TMEM272: variants seen among roughly 807,000 people sequenced by gnomAD.
The protein encoded by TMEM272 is transmembrane protein 272.
In TMEM272, 8 loss-of-function variants were observed where a neutral mutation model predicts 3.7. The observed-to-expected ratio is 2.17, with a 90% CI of 1.27 to 3.91. TMEM272 has a LOEUF of 3.91. TMEM272 is among the 30% of genes most tolerant of loss of function. The pLI is 0.00. For missense variants in TMEM272, 166 were observed against 91.5 expected (o/e 1.81, Z -3.32); for synonymous variants, 63 against 39.8 (o/e 1.58, Z -2.20).
At chr13:51,847,088 A>G (rs964462403), upstream of TMEM272, among the ~76,000 whole-genome samples, 1 of 152,188 alleles carries the variant, frequency 6.6e-6, no homozygotes, top group Non-Finnish European at 1.5e-5. Context: ...CACAATGTTT[A>G]GATACACAAA....
the TMEM272 span, among the ~76,000 whole-genome samples, chr13:51,857,636 T>C: frequency 1.3e-5 from 2 of 152,016 alleles, no homozygotes; most frequent in East Asian, 1.9e-4. Context: ...AAAGAATATA[T>C]AGCTAATGAC....
intron 4 of TMEM272, among the ~76,000 whole-genome samples, chr13:51,819,968 T>C (rs1956065742): frequency 1.3e-5 from 2 of 152,200 alleles, no homozygotes; most frequent in Admixed American, 6.5e-5. Context: ...TGGTTTATGC[T>C]GTTGCTCTGG....
At chr13:51,923,473 C>G in the TMEM272 span, among the ~76,000 whole-genome samples, 10 of 145,550 alleles carry the variant, frequency 6.9e-5, no homozygotes, top group Admixed American at 4.8e-4. Context: ...ACACTGAGAT[C>G]GGTTGAAAGC....
the TMEM272 span, among the ~76,000 whole-genome samples, chr13:51,905,975 C>T: frequency 6.6e-6 from 1 of 152,202 alleles, no homozygotes; most frequent in Non-Finnish European, 1.5e-5. Flanking sequence ...GGATGAAGCT[C>T]CACCACTGCA....
chr13:51,868,864 A>G, the TMEM272 span, among the ~76,000 whole-genome samples: 1 of 152,256 alleles, frequency 6.6e-6, no homozygotes, highest in African/African-American at 2.4e-5. Context: ...CAGAAACAGC[A>G]TCTATTGTCA....
the TMEM272 span, among the ~76,000 whole-genome samples, chr13:51,852,316 T>C: frequency 6.6e-6 from 1 of 152,266 alleles, no homozygotes; most frequent in African/African-American, 2.4e-5. Context: ...TCATATCCTT[T>C]GGCCATTTAT....
intron 1 of TMEM272, among the ~76,000 whole-genome samples, chr13:51,840,941 T>A (rs189157525): frequency 6.6e-6 from 1 of 152,352 alleles, no homozygotes; most frequent in African/African-American, 2.4e-5. Flanking sequence ...CCAATGGGGT[T>A]TGCCAGGTGC....
At chr13:51,817,443 T>C (rs1956042860) in intron 4 of TMEM272, among the ~76,000 whole-genome samples, 1 of 152,106 alleles carries the variant, frequency 6.6e-6, no homozygotes, top group African/African-American at 2.4e-5. Flanking sequence ...TCAGACTGAC[T>C]CTCTCCTGTA....
the TMEM272 span, among the ~76,000 whole-genome samples, chr13:51,916,388 TG>T: frequency 1.3e-5 from 2 of 152,212 alleles, no homozygotes; most frequent in Non-Finnish European, 2.9e-5. Context: ...ACATATGGGC[TG>T]TGTGAGAGCT....
upstream of TMEM272, chr13:51,845,291 C>T (rs1956296376): frequency 6.6e-6 from 1 of 152,288 alleles, no homozygotes; most frequent in Admixed American, 6.5e-5. Context: ...AGGGGGGCAG[C>T]AGAGCGACCC....
intron 1 of TMEM272, among the ~76,000 whole-genome samples, chr13:51,839,233 C>T (rs536084302): frequency 6.6e-6 from 1 of 152,278 alleles, no homozygotes; most frequent in East Asian, 1.9e-4. Context: ...GAAAGGGCTT[C>T]CCTTCCTTGG....
chr13:51,846,287 T>G (rs1956304505), upstream of TMEM272, among the ~76,000 whole-genome samples: 1 of 152,230 alleles, frequency 6.6e-6, no homozygotes, highest in African/African-American at 2.4e-5. Flanking sequence ...CAGTCAATGA[T>G]GGACCACACA....
At chr13:51,841,618 A>G (rs1956264606) in intron 1 of TMEM272, among the ~76,000 whole-genome samples, 1 of 152,230 alleles carries the variant, frequency 6.6e-6, no homozygotes, top group African/African-American at 2.4e-5. Flanking sequence ...TTTAATGCAA[A>G]TGTCCTAAAT....
rs146463112 is a variant in TMEM272, at chr13:51,815,940, G to A, written c.*811C>T. 2.0e-5 allele frequency: 3 copies of A among 152,406 alleles called. No individual in the cohort carries two copies. The highest frequency in any genetic ancestry group is 4.4e-5 in the Non-Finnish European group (3 of 68,108). The allele number at this position is 152,406 out of a possible 1,614,324, so 9.4% of individuals were successfully genotyped here. Reference sequence around the variant, plus strand: ...CACCCCAACTCATGCAACCTGTCCAGAAACATACAAAACTGGTTTATGCCA... The same window carrying A: ...CACCCCAACTCATGCAACCTGTCCAAAAACATACAAAACTGGTTTATGCCA... On this transcript the variant is annotated 3_prime_UTR_variant, in exon 5 of 5. Transcript: ENST00000629372.
intron 4 of TMEM272, among the ~76,000 whole-genome samples, chr13:51,819,895 T>A (rs549454397): frequency 3.4e-4 from 52 of 152,262 alleles, no homozygotes; most frequent in African/African-American, 1.2e-3. Flanking sequence ...CAGTAACAAA[T>A]ACATTTTATG....
the TMEM272 span, among the ~76,000 whole-genome samples, chr13:51,903,595 G>C: frequency 1.3e-5 from 2 of 152,188 alleles, no homozygotes; most frequent in Non-Finnish European, 2.9e-5. Context: ...ATCCCTAGGT[G>C]TAAGTGCAGG....
chr13:51,838,274 TAAAGATGA>T (rs1956232703), intron 2 of TMEM272, among the ~76,000 whole-genome samples, 191 bp downstream of exon 2: 1 of 152,062 alleles, frequency 6.6e-6, no homozygotes, highest in Non-Finnish European at 1.5e-5. Context: ...TATGGAAAAC[TAAAGATGA>T]ATTGGTAAGG....
the TMEM272 span, chr13:51,908,673 C>A: frequency 6.8e-7 from 1 of 1,477,422 alleles, no homozygotes; most frequent in East Asian, 2.3e-5. Context: ...AGGCATTGAC[C>A]CATCCATTTT....
chr13:51,869,207 G>C, the TMEM272 span, among the ~76,000 whole-genome samples: 1 of 152,316 alleles, frequency 6.6e-6, no homozygotes, highest in Non-Finnish European at 1.5e-5. Context: ...GTGGTAAGGA[G>C]TGGAGCTGTG....
Sources: allele counts gnomAD v4.1 joint callset (sites outside exome capture counted in the v4.1 genomes callset), GRCh38; gene constraint gnomAD v4.1.1; transcripts MANE v1.5; gene names NCBI Gene and HGNC (gene_info 2026-07-23, HGNC 2026-07-21).